MDGA2: variants seen among roughly 807,000 people sequenced by gnomAD.
The protein encoded by MDGA2 is MAM domain-containing glycosylphosphatidylinositol anchor protein 2.
Under a neutral mutation model 117.8 loss-of-function variants are expected in MDGA2, and 40 were observed. That is an observed-to-expected ratio of 0.34 (90% CI 0.26 to 0.44). MDGA2 has a LOEUF of 0.44. MDGA2 is among the 20% of genes least tolerant of loss of function. The pLI, the probability that MDGA2 is intolerant of heterozygous loss-of-function variation, is 1.00. For synonymous variants in MDGA2, 452 were observed against 439.0 expected (o/e 1.03, Z -0.37); for missense variants, 1,123 against 1,250.6 (o/e 0.90, Z 1.54).
At chr14:47,433,234 G>A (rs1034709002) in intron 1 of MDGA2, among the ~76,000 whole-genome samples, 2 of 151,966 alleles carry the variant, frequency 1.3e-5, no homozygotes, top group African/African-American at 4.8e-5. Flanking sequence ...ATTAGACATA[G>A]AAACCTTAAA....
At chr14:46,993,100 G>C (rs1887155171) in intron 8 of MDGA2, among the ~76,000 whole-genome samples, 1 of 151,868 alleles carries the variant, frequency 6.6e-6, no homozygotes, top group Non-Finnish European at 1.5e-5. Context: ...CACTAGGAAA[G>C]TAACCTCTGA....
chr14:47,360,514 A>G (rs1000196718), intron 1 of MDGA2, among the ~76,000 whole-genome samples: 21 of 152,108 alleles, frequency 1.4e-4, no homozygotes, highest in African/African-American at 5.1e-4. Flanking sequence ...TGCAAATTAA[A>G]ACAACAATGA....
At chr14:47,269,103 G>C (rs1035176140) in intron 2 of MDGA2, among the ~76,000 whole-genome samples, 1 of 152,120 alleles carries the variant, frequency 6.6e-6, no homozygotes, top group Non-Finnish European at 1.5e-5. Flanking sequence ...AAGTACAGTA[G>C]TTAGGTTTAG....
At chr14:47,384,480 T>C (rs1032745721) in intron 1 of MDGA2, among the ~76,000 whole-genome samples, 2 of 152,098 alleles carry the variant, frequency 1.3e-5, no homozygotes, top group South Asian at 4.1e-4. Flanking sequence ...TGTATTATTC[T>C]TCCTTTCCTT....
Position 46,841,992 on chromosome 14 carries a change from A to C in MDGA2, c.3017T>G (p.Leu1006Trp), listed in dbSNP as rs1880634267. The C allele has an allele frequency of 6.2e-7, 1 of 1,612,376 alleles. No homozygotes were observed. The highest frequency in any genetic ancestry group is 8.5e-7 in the Non-Finnish European group (1 of 1,178,788). ...KNSVDGAVGI[L>W]VHIWLFPIIV... ...AATGGGAAAAAGCCATATATGAACCAAAATCCCAACAGCACCATCAACGGA... is the reference window on the plus strand; with the variant it reads ...AATGGGAAAAAGCCATATATGAACCCAAATCCCAACAGCACCATCAACGGA... Residue 1006 changes from leucine to tryptophan, a missense_variant, in exon 17 of 17, where the codon TTG (leucine) becomes TGG (tryptophan). By Grantham distance (61) the Leu-to-Trp change is moderately conservative. Around this residue, in one of 2 missense-constraint regions of MDGA2, gnomAD observed 890 missense variants for 1,050.3 expected, o/e 0.85. Transcript: ENST00000399232.
At chr14:47,154,481 C>G (rs143026334) in intron 3 of MDGA2, among the ~76,000 whole-genome samples, 2 of 152,282 alleles carry the variant, frequency 1.3e-5, no homozygotes, top group South Asian at 4.1e-4. Context: ...AGCAGTGGAC[C>G]CGGACATCCC....
chr14:46,981,567 C>A (rs17117869), intron 8 of MDGA2, among the ~76,000 whole-genome samples: 18,011 of 152,064 alleles, frequency 0.12, 1,996 homozygotes, highest in African/African-American at 0.27. Flanking sequence ...ATATATGAAC[C>A]TTTAAATAAT....
intron 5 of MDGA2, among the ~76,000 whole-genome samples, chr14:47,115,359 A>G (rs1296959415): frequency 6.6e-6 from 1 of 152,028 alleles, no homozygotes; most frequent in African/African-American, 2.4e-5. Context: ...ATATGTGTGC[A>G]TTGAAGATGT....
chr14:47,507,517 A>C (rs952912770), intron 1 of MDGA2, among the ~76,000 whole-genome samples: 1 of 152,198 alleles, frequency 6.6e-6, no homozygotes, highest in East Asian at 1.9e-4. Context: ...TCACATAGCC[A>C]TGTTTGATCC....
intron 3 of MDGA2, among the ~76,000 whole-genome samples, chr14:47,185,631 A>T (rs12588637): frequency 0.22 from 33,100 of 151,496 alleles, 4,097 homozygotes; most frequent in East Asian, 0.35. Flanking sequence ...TGTTTACCAA[A>T]TTACCTAGGA....
intron 8 of MDGA2, among the ~76,000 whole-genome samples, chr14:47,026,570 T>C (rs1203619467): frequency 6.6e-6 from 1 of 152,116 alleles, no homozygotes; most frequent in Non-Finnish European, 1.5e-5. Context: ...TATATTATTG[T>C]TCACCTTTAT....
At chr14:47,130,996 A>G (rs1014268963) in intron 5 of MDGA2, among the ~76,000 whole-genome samples, 6 of 152,118 alleles carry the variant, frequency 3.9e-5, no homozygotes, top group African/African-American at 1.4e-4. Flanking sequence ...GTGCACATGT[A>G]CCCTAGAACT....
intron 1 of MDGA2, among the ~76,000 whole-genome samples, chr14:47,536,016 A>G (rs1372123822): frequency 6.6e-6 from 1 of 152,210 alleles, no homozygotes; most frequent in Admixed American, 6.5e-5. Flanking sequence ...GGCAGAACCC[A>G]GGAGGGCAAG....
chr14:47,324,719 A>G (rs1339573765), intron 1 of MDGA2, among the ~76,000 whole-genome samples: 1 of 152,040 alleles, frequency 6.6e-6, no homozygotes, highest in East Asian at 1.9e-4. Context: ...TTTATCTTTT[A>G]TAAATGGTTT....
chr14:47,516,998 T>C (rs1161630632), intron 1 of MDGA2, among the ~76,000 whole-genome samples: 6 of 152,086 alleles, frequency 3.9e-5, no homozygotes, highest in Admixed American at 3.9e-4. Flanking sequence ...ATACATTCAT[T>C]AGAGAAACAG....
At chr14:47,533,164 C>T (rs549818921) in intron 1 of MDGA2, among the ~76,000 whole-genome samples, 5 of 152,168 alleles carry the variant, frequency 3.3e-5, no homozygotes, top group Non-Finnish European at 5.9e-5. Flanking sequence ...CAAATCTTCC[C>T]ACTACACATA....
At chr14:47,605,632 A>T (rs561002196) in intron 1 of MDGA2, among the ~76,000 whole-genome samples, 1 of 152,232 alleles carries the variant, frequency 6.6e-6, no homozygotes, top group Non-Finnish European at 1.5e-5. Flanking sequence ...GATAAGCTTT[A>T]TAATGGTTAC....
intron 8 of MDGA2, among the ~76,000 whole-genome samples, chr14:46,964,926 T>TAG (rs1566549174): frequency 3.8e-5 from 4 of 104,936 alleles, no homozygotes; most frequent in African/African-American, 1.1e-4. Flanking sequence ...TTACTTTTTT[T>TAG]TTTTTTTTTT....
At chr14:47,058,547 T>C in intron 7 of MDGA2, 1 of 984,798 alleles carries the variant, frequency 1.0e-6, no homozygotes, top group Non-Finnish European at 1.2e-6. Flanking sequence ...AGCTTATTCA[T>C]TTTCACTGTT....
Sources: allele counts gnomAD v4.1 joint callset (sites outside exome capture counted in the v4.1 genomes callset), GRCh38; gene constraint gnomAD v4.1.1; regional missense constraint gnomAD v4.1.1; transcripts MANE v1.5; gene names NCBI Gene and HGNC (gene_info 2026-07-23, HGNC 2026-07-21).